PPFIA2: variants seen among roughly 807,000 people sequenced by gnomAD.
The protein encoded by PPFIA2 is PPFI scaffold protein A2.
In PPFIA2, 46 loss-of-function variants were observed where a neutral mutation model predicts 175.5. The observed-to-expected ratio is 0.26, with a 90% CI of 0.21 to 0.34. The LOEUF is 0.34. PPFIA2 is among the 10% of genes least tolerant of loss of function. PPFIA2 has a pLI of 1.00. For missense variants in PPFIA2, 1,179 were observed against 1,506.1 expected, an observed-to-expected ratio of 0.78 and a Z score of 3.60; for synonymous variants, 568 against 511.4, an observed-to-expected ratio of 1.11 and a Z score of -1.49.
intron 11 of PPFIA2, among the ~76,000 whole-genome samples, chr12:81,374,173 G>A (rs2035838713): frequency 6.6e-6 from 1 of 151,948 alleles, no homozygotes; most frequent in African/African-American, 2.4e-5. Context: ...ATTTTTAATT[G>A]TTTTAGACCT....
In PPFIA2 at chr12:81,299,345, G is replaced by C. The variant is rs757515654; in HGVS notation, c.2680C>G (p.Pro894Ala). 1 of 1,596,388 alleles carries C rather than the reference G, an allele frequency of 6.3e-7. No individual in the cohort carries two copies. Among genetic ancestry groups the C allele is most frequent in the East Asian group, 2.3e-5 (1 of 44,294 alleles). ...GTTGGCCCATCCCACTGGGCAAAAG[G>C]TAATCCCTTTCTCCGAGCTTCTTCA... is the stretch of plus-strand genomic sequence containing the variant. ...LLEEARRKGL[P>A]FAQWDGPTVV... The change falls in exon 23 of 33, where the codon CCT becomes GCT. Residue 894 changes from proline (P) to alanine (A), a missense_variant. Physicochemically the swap from Pro to Ala is conservative, Grantham distance 27 (BLOSUM62 -1). Coordinates refer to ENST00000549396, the MANE Select transcript of PPFIA2 (RefSeq NM_003625.5).
intron 3 of PPFIA2, among the ~76,000 whole-genome samples, chr12:81,681,253 A>G (rs1368776428): frequency 1.3e-5 from 2 of 152,066 alleles, no homozygotes; most frequent in African/African-American, 4.8e-5. Context: ...CATTTCTTAA[A>G]CATCATTTCA....
chr12:81,403,092 T>C (rs2042337757), intron 8 of PPFIA2, among the ~76,000 whole-genome samples: 1 of 152,186 alleles, frequency 6.6e-6, no homozygotes, highest in Non-Finnish European at 1.5e-5. Flanking sequence ...ATCACTGTTT[T>C]AGAAATTCAA....
chr12:81,410,729 G>C (rs2043788263), intron 7 of PPFIA2, among the ~76,000 whole-genome samples: 1 of 151,894 alleles, frequency 6.6e-6, no homozygotes, highest in African/African-American at 2.4e-5. Context: ...ATGGCAAATG[G>C]GTGGGCACAT....
intron 11 of PPFIA2, among the ~76,000 whole-genome samples, chr12:81,369,766 G>C (rs2034582243): frequency 6.6e-6 from 1 of 151,676 alleles, no homozygotes; most frequent in Non-Finnish European, 1.5e-5. Context: ...TAAAGACACT[G>C]ACACCAAACA....
chr12:81,478,493 T>G (rs2057768832), intron 4 of PPFIA2, among the ~76,000 whole-genome samples: 1 of 152,174 alleles, frequency 6.6e-6, no homozygotes, highest in Non-Finnish European at 1.5e-5. Context: ...TTCTTTTAAT[T>G]GTGATTTTAG....
At chr12:81,519,954 T>C (rs1423358113) in intron 4 of PPFIA2, among the ~76,000 whole-genome samples, 1 of 152,170 alleles carries the variant, frequency 6.6e-6, no homozygotes, top group Non-Finnish European at 1.5e-5. Flanking sequence ...AAAAATAAAA[T>C]AGGACAATTA....
chr12:81,381,348 A>G (rs1379338574), intron 9 of PPFIA2, among the ~76,000 whole-genome samples: 1 of 152,164 alleles, frequency 6.6e-6, no homozygotes, highest in Non-Finnish European at 1.5e-5. Flanking sequence ...GACATTTTCC[A>G]TCTGACTGGG....
chr12:81,614,799 T>C (rs2061286015), intron 4 of PPFIA2, among the ~76,000 whole-genome samples: 1 of 152,196 alleles, frequency 6.6e-6, no homozygotes, highest in Non-Finnish European at 1.5e-5. Context: ...TAAAATATTC[T>C]AGTAAATCTT....
At chr12:81,311,605 T>C (rs2895876) in intron 22 of PPFIA2, among the ~76,000 whole-genome samples, 53,910 of 151,058 alleles carry the variant, frequency 0.36, 10,450 homozygotes, top group East Asian at 0.51. Flanking sequence ...TGGTGGTGGG[T>C]GCCTGTAGTC....
rs201618799 is a variant in PPFIA2 at position 81,716,655 on chromosome 12, A to G, written c.249+37318T>C. ...AAATAAATGCCTAAAAATGCATGTT[A>G]GAAGTGATGCTTTAAACGTAGTTTT... On this transcript the variant is annotated intron_variant, in intron 3 of 32. Coordinates refer to ENST00000549396, the MANE Select transcript of PPFIA2 (RefSeq NM_003625.5). Among the ~76,000 whole-genome samples the G allele has an allele frequency of 1.9e-4, 29 of 151,876 alleles. No homozygotes were observed. The East Asian group carries it at 4.7e-3, about 24-fold the overall frequency.
chr12:81,319,602 A>G (rs556420340), intron 22 of PPFIA2, among the ~76,000 whole-genome samples: 16 of 151,978 alleles, frequency 1.1e-4, no homozygotes, highest in African/African-American at 3.4e-4. Flanking sequence ...TTGTGTCTGT[A>G]CTAAATAAAC....
At chr12:81,454,309 C>G (rs2053200143) in intron 5 of PPFIA2, among the ~76,000 whole-genome samples, 1 of 152,134 alleles carries the variant, frequency 6.6e-6, no homozygotes, top group Non-Finnish European at 1.5e-5. Flanking sequence ...TTGTGGGTGA[C>G]ATAGGAATAT....
intron 4 of PPFIA2, among the ~76,000 whole-genome samples, chr12:81,605,558 A>C (rs1376993576): frequency 6.6e-6 from 1 of 151,890 alleles, no homozygotes; most frequent in Non-Finnish European, 1.5e-5. Flanking sequence ...CCAGATGGAC[A>C]ATACATCCTA....
Position 81,313,317 on chromosome 12 carries a change from A to T in PPFIA2, c.2642+12460T>A, listed in dbSNP as rs571626245. Among the ~76,000 whole-genome samples, 52 of 152,278 alleles carry T rather than the reference A, an allele frequency of 3.4e-4. 1 individual carries two copies. The highest frequency in any genetic ancestry group is 5.6e-4 in the Non-Finnish European group (38 of 67,974). On this transcript the variant is annotated intron_variant, in intron 22 of 32. Transcript: ENST00000549396. ...GAAAGCAGAAATTCCTATGTCAGAA[A>T]TTAGGCAAGTTAGAGCATCTTCTTT...
intron 4 of PPFIA2, among the ~76,000 whole-genome samples, chr12:81,628,939 C>G (rs7138266): frequency 0.063 from 9,507 of 152,082 alleles, 416 homozygotes; most frequent in East Asian, 0.25. Context: ...CTCAAATACT[C>G]AGGAGTGGCC....
At chr12:81,370,610 G>A (rs550400262) in intron 11 of PPFIA2, among the ~76,000 whole-genome samples, 1 of 151,956 alleles carries the variant, frequency 6.6e-6, no homozygotes, top group African/African-American at 2.4e-5. Context: ...AAACAAAATA[G>A]TGCCTAAAGT....
intron 4 of PPFIA2, among the ~76,000 whole-genome samples, chr12:81,604,335 C>G (rs1271210517): frequency 6.6e-6 from 1 of 151,548 alleles, no homozygotes; most frequent in Non-Finnish European, 1.5e-5. Flanking sequence ...TATTTACAAA[C>G]AGTTTTTTCA....
At chr12:81,451,922 G>T (rs958203218) in intron 5 of PPFIA2, among the ~76,000 whole-genome samples, 2 of 152,144 alleles carry the variant, frequency 1.3e-5, no homozygotes, top group Non-Finnish European at 2.9e-5. Flanking sequence ...CACCTTCACT[G>T]GGAGCTACAA....
Sources: allele counts gnomAD v4.1 joint callset (sites outside exome capture counted in the v4.1 genomes callset), GRCh38; gene constraint gnomAD v4.1.1; transcripts MANE v1.5; gene names NCBI Gene and HGNC (gene_info 2026-07-23, HGNC 2026-07-21).